Variants in NEDD9 observed in about 807,000 individuals in gnomAD.
NEDD9 encodes the protein neural precursor cell expressed, developmentally down-regulated 9.
Under a neutral mutation model 76.6 loss-of-function variants are expected in NEDD9, and 26 were observed. The ratio of observed to expected loss-of-function variants is 0.34; its 90% CI spans 0.25 to 0.47. The LOEUF (loss-of-function observed/expected upper bound fraction) is 0.47. Ranked by LOEUF, NEDD9 falls within the 20% of genes least tolerant of loss-of-function variation. The probability of loss-of-function intolerance (pLI) is 1.00; values close to 1 mark genes in which losing one functional copy is unlikely to be tolerated. For synonymous variants in NEDD9, 392 were observed against 414.2 expected (o/e 0.95, Z 0.65); for missense variants, 937 against 1,058.5 (o/e 0.89, Z 1.59).
At chr6:11,297,330 C>T (rs1396605486) in intron 3 of NEDD9, among the ~76,000 whole-genome samples, 2 of 152,178 alleles carry the variant, frequency 1.3e-5, no homozygotes, top group African/African-American at 4.8e-5. Flanking sequence ...GGAGACCTCT[C>T]CGCCTTCCTC....
rs571585150 is a variant in NEDD9 at position 11,258,534 on chromosome 6, G to T, written c.13-44807C>A. ...AAGAAGCCTTTTTTTTTTCTATTTG[G>T]CCTTCTTTGGAAGCCAATTTATCGT... On this transcript the variant is annotated intron_variant, in intron 3 of 3. Coordinates refer to the NEDD9 transcript ENST00000397378. The T allele has an allele frequency of 8.6e-5, 13 of 151,188 alleles. 1 individual carries two copies. Among genetic ancestry groups the T allele is most frequent in the Non-Finnish European group, 1.8e-4 (12 of 67,742 alleles). 9.4% of individuals were successfully genotyped at this position (151,188 alleles called of 1,614,324 possible).
intron 1 of NEDD9, among the ~76,000 whole-genome samples, chr6:11,348,055 A>C (rs1762397148): frequency 6.6e-6 from 1 of 152,212 alleles, no homozygotes; most frequent in African/African-American, 2.4e-5. Flanking sequence ...TCTCTGCCCA[A>C]ACACTCCTTG....
intron 2 of NEDD9, 130 bp from the exon 3 acceptor site, chr6:11,193,822 A>G: frequency 1.7e-6 from 1 of 583,588 alleles, no homozygotes; most frequent in Non-Finnish European, 3.0e-6. Context: ...GAAAGAAGAC[A>G]TAACAGGAAG....
rs560578781 is a variant in NEDD9 at position 11,193,681 on chromosome 6, G to C, written c.471C>G (p.Pro157=). 1.2e-6 allele frequency: 2 copies of C among 1,612,914 alleles called. No individual in the cohort carries two copies. The highest frequency in any genetic ancestry group is 3.3e-5 in the Admixed American group (2 of 59,958). Reference sequence around the variant, plus strand: ...ATACGTAGCCATGGCCTGTCCTCACGGGGGTTATCACCTGTGGGAGAGAAG... The same window carrying C: ...ATACGTAGCCATGGCCTGTCCTCACCGGGGTTATCACCTGTGGGAGAGAAG... ...GPHVGKKVIT[P]VRTGHGYVYE... is the part of the protein sequence containing the mutation. Residue 157 remains proline (P), a synonymous_variant, in exon 3 of 7, where the codon CCC becomes CCG. Coordinates refer to ENST00000379446, the MANE Select transcript of NEDD9 (RefSeq NM_006403.4).
At chr6:11,335,134 A>C (rs1762129690) in intron 1 of NEDD9, among the ~76,000 whole-genome samples, 1 of 152,204 alleles carries the variant, frequency 6.6e-6, no homozygotes, top group Non-Finnish European at 1.5e-5. Flanking sequence ...AGTAAAAAAA[A>C]ATCACCATTT....
intron 3 of NEDD9, among the ~76,000 whole-genome samples, chr6:11,288,154 A>G (rs183222516): frequency 1.2e-3 from 182 of 152,332 alleles, no homozygotes; most frequent in African/African-American, 2.6e-3. Context: ...CTCAGTCAAA[A>G]TTACGCAGGC....
chr6:11,299,196 C>CT (rs56110320), intron 3 of NEDD9, among the ~76,000 whole-genome samples: 53,098 of 152,100 alleles, frequency 0.35, 9,918 homozygotes, highest in East Asian at 0.72. Flanking sequence ...CCTCCTGTGC[C>CT]GGCTCAGTGG....
At chr6:11,323,596 C>T (rs897421641) in intron 2 of NEDD9, among the ~76,000 whole-genome samples, 12 of 152,342 alleles carry the variant, frequency 7.9e-5, no homozygotes, top group South Asian at 2.1e-4. Context: ...AAACATCCTA[C>T]GGTACACTGG....
chr6:11,335,333 G>T (rs941985100), intron 1 of NEDD9, among the ~76,000 whole-genome samples: 23 of 152,162 alleles, frequency 1.5e-4, no homozygotes, highest in African/African-American at 5.6e-4. Context: ...GTCACTGTTT[G>T]GTAGTCTGCT....
intron 1 of NEDD9, among the ~76,000 whole-genome samples, chr6:11,366,443 A>T (rs1249513161): frequency 6.6e-6 from 1 of 151,820 alleles, no homozygotes; most frequent in Non-Finnish European, 1.5e-5. Flanking sequence ...GAAAGAAAGA[A>T]AAAAGAAAGA....
chr6:11,332,502 C>T (rs973729701), intron 2 of NEDD9, among the ~76,000 whole-genome samples: 5 of 152,242 alleles, frequency 3.3e-5, no homozygotes, highest in African/African-American at 1.2e-4. Flanking sequence ...GCTCCAAGTT[C>T]TCTTGTAACA....
chr6:11,261,150 G>C (rs1043091446), intron 3 of NEDD9, among the ~76,000 whole-genome samples: 1 of 152,152 alleles, frequency 6.6e-6, no homozygotes, highest in African/African-American at 2.4e-5. Flanking sequence ...GAGTACCAGA[G>C]CCGTGATGAT....
At chr6:11,193,057 C>A (rs1180813906) in intron 3 of NEDD9, among the ~76,000 whole-genome samples, 1 of 151,354 alleles carries the variant, frequency 6.6e-6, no homozygotes, top group Non-Finnish European at 1.5e-5. Flanking sequence ...GTAATCCCAG[C>A]ACTTTGGAAG....
At position 11,224,606 on chromosome 6, in the gene NEDD9, C is replaced by T. The variant is rs796456701; in HGVS notation, c.12+7898G>A. On this transcript the variant is annotated intron_variant, in intron 1 of 6. Coordinates refer to ENST00000379446, the MANE Select transcript of NEDD9 (RefSeq NM_006403.4). Reference sequence around the variant, plus strand: ...ATGCCACAGTGACTAGTAACAAGAACGAAAGAACAAAAGGAAAAGAAAAAA... The same window carrying T: ...ATGCCACAGTGACTAGTAACAAGAATGAAAGAACAAAAGGAAAAGAAAAAA... Among the ~76,000 whole-genome samples, 17 of 149,774 alleles carry T rather than the reference C, an allele frequency of 1.1e-4. 1 individual carries two copies. The highest frequency in any genetic ancestry group is 4.0e-4 in the African/African-American group (16 of 39,562).
Position 11,190,931 on chromosome 6 carries a change from T to G in NEDD9, c.938A>C (p.Gln313Pro), listed in dbSNP as rs1186371281. ...TCGGGGGACATCATATGCGTCGTTCTGAGAGCCCACTGACTGTCCGAGTTG... is the reference window on the plus strand; with the variant it reads ...TCGGGGGACATCATATGCGTCGTTCGGAGAGCCCACTGACTGTCCGAGTTG... Reference protein sequence around the residue: ...PPQLGQSVGSQNDAYDVPRGV... With the variant: ...PPQLGQSVGSPNDAYDVPRGV... The change falls in exon 5 of 7, where the codon CAG becomes CCG. Residue 313 changes from glutamine to proline, a missense_variant. Transcript: ENST00000379446. This position sits in a 1 kb window ranked among gnomAD's most constrained non-coding sequence, Gnocchi z 5.8. The G allele has an allele frequency of 2.5e-6, 4 of 1,613,974 alleles. No homozygotes were observed. Among genetic ancestry groups the G allele is most frequent in the Non-Finnish European group, 3.4e-6 (4 of 1,180,010 alleles).
At chr6:11,206,476 T>G (rs1437684188) in intron 2 of NEDD9, among the ~76,000 whole-genome samples, 2 of 152,142 alleles carry the variant, frequency 1.3e-5, no homozygotes, top group Non-Finnish European at 2.9e-5. Context: ...ATTAAATAAA[T>G]AAATTTATTC....
At chr6:11,275,529 A>G (rs1412895457) in intron 3 of NEDD9, among the ~76,000 whole-genome samples, 6 of 151,580 alleles carry the variant, frequency 4.0e-5, no homozygotes, top group African/African-American at 1.5e-4. Flanking sequence ...CTTATTTGTC[A>G]ATTAAAATAC....
chr6:11,328,078 T>A (rs1043737327), intron 2 of NEDD9, among the ~76,000 whole-genome samples: 6 of 152,194 alleles, frequency 3.9e-5, no homozygotes, highest in Non-Finnish European at 8.8e-5. Flanking sequence ...TGCTGCCTGC[T>A]CCCATGGGTA....
chr6:11,200,974 T>C (rs529584003), intron 2 of NEDD9: 1 of 1,614,204 alleles, frequency 6.2e-7, no homozygotes, highest in East Asian at 2.2e-5. Context: ...ATCTTTTCAG[T>C]GGAGGTTCAC....
Sources: gnomAD v4.1 joint callset for allele counts (sites outside exome capture counted in the v4.1 genomes callset) on GRCh38, gnomAD v4.1.1 for gene constraint, Gnocchi (gnomAD v3.1) non-coding constraint, MANE v1.5 for transcripts, NCBI Gene and HGNC (gene_info 2026-07-23, HGNC 2026-07-21) for gene names.